CLDN16: variants seen among roughly 807,000 people sequenced by gnomAD.
CLDN16 encodes claudin 16, also known as claudin-16.
Under a neutral mutation model 24.6 loss-of-function variants are expected in CLDN16, and 13 were observed. The observed-to-expected ratio is 0.53, with a 90% CI of 0.34 to 0.84. The LOEUF is 0.84. CLDN16 is among the 40% of genes least tolerant of loss of function. The pLI is 0.01. For synonymous variants in CLDN16, 116 were observed against 106.7 expected, an observed-to-expected ratio of 1.09 and a Z score of -0.54; for missense variants, 298 against 292.7, an observed-to-expected ratio of 1.02 and a Z score of -0.13.
the CLDN16 span, among the ~76,000 whole-genome samples, chr3:190,294,338 A>G: frequency 2.0e-5 from 3 of 152,322 alleles, no homozygotes; most frequent in East Asian, 5.8e-4. Context: ...CACCACATGT[A>G]GTTGATAGCT....
chr3:190,404,829 C>T lies in CLDN16; in HGVS notation c.285C>T (p.Thr95=), dbSNP rs1354548248. 6.2e-7 allele frequency: 1 copy of T among 1,614,052 alleles called. No homozygotes were observed. The highest frequency in any genetic ancestry group is 1.7e-5 in the Admixed American group (1 of 60,018). The change falls in exon 3 of 5, where the codon ACC becomes ACT. Residue 95 remains threonine (T), a synonymous_variant. Transcript: ENST00000264734. Reference sequence around the variant, plus strand: ...TTCTAGCTGGGTTTGGATTTCTCACCCTGCTCCTTGGTCTTGACTGCGTGA... The same window carrying T: ...TTCTAGCTGGGTTTGGATTTCTCACTCTGCTCCTTGGTCTTGACTGCGTGA... ...ADILAGFGFL[T]LLLGLDCVKF...
chr3:190,368,164 A>G lies in CLDN16; in HGVS notation n.122-2729A>G, dbSNP rs1718062974. ...TAGCCCTGTGTGATCAATAGAATTC[A>G]GCAGAATTGATGATCTGTTACTTCT... On this transcript the variant is annotated intron_variant and non_coding_transcript_variant, in intron 1 of 4. Coordinates refer to the CLDN16 transcript ENST00000468220. 2.6e-5 allele frequency among the ~76,000 whole-genome samples: 4 copies of G among 152,092 alleles called. No homozygotes were observed. In the South Asian group the frequency reaches 8.3e-4, roughly 32 times the overall value.
chr3:190,309,663 A>G, the CLDN16 span, among the ~76,000 whole-genome samples: 1 of 152,242 alleles, frequency 6.6e-6, no homozygotes, highest in Non-Finnish European at 1.5e-5. Flanking sequence ...GTGAAAGAAC[A>G]AAAAATTTCA....
intron 1 of CLDN16, among the ~76,000 whole-genome samples, chr3:190,325,398 T>A (rs1025836834): frequency 1.3e-5 from 2 of 152,194 alleles, no homozygotes; most frequent in African/African-American, 4.8e-5. Context: ...TGGCAAGATA[T>A]TTTACTCTGT....
chr3:190,368,413 C>T (rs953227579), intron 1 of CLDN16, among the ~76,000 whole-genome samples: 1 of 151,926 alleles, frequency 6.6e-6, no homozygotes, highest in African/African-American at 2.4e-5. Context: ...GCTTGAGATC[C>T]TGAGTCAGAA....
chr3:190,343,458 T>C (rs1185890407), intron 1 of CLDN16, among the ~76,000 whole-genome samples: 1 of 152,130 alleles, frequency 6.6e-6, no homozygotes, highest in Non-Finnish European at 1.5e-5. Context: ...GGGTATATAC[T>C]CAAAGGAGAT....
intron 1 of CLDN16, among the ~76,000 whole-genome samples, chr3:190,342,341 A>G (rs112810688): frequency 0.039 from 5,965 of 152,284 alleles, 391 homozygotes; most frequent in African/African-American, 0.13. Flanking sequence ...TGAAAGGCAC[A>G]TCTCACATGG....
chr3:190,322,088 A>G, upstream of CLDN16: 1 of 1,614,122 alleles, frequency 6.2e-7, no homozygotes, highest in Non-Finnish European at 8.5e-7. Flanking sequence ...GGCGGTCACG[A>G]TGTTGTCGCC....
intron 1 of CLDN16, among the ~76,000 whole-genome samples, chr3:190,353,381 C>T (rs1717707315): frequency 6.6e-6 from 1 of 152,072 alleles, no homozygotes; most frequent in Non-Finnish European, 1.5e-5. Flanking sequence ...CTTCCAATAG[C>T]TTCCCATTGT....
At chr3:190,314,493 C>G in the CLDN16 span, among the ~76,000 whole-genome samples, 1 of 152,032 alleles carries the variant, frequency 6.6e-6, no homozygotes, top group South Asian at 2.1e-4. Flanking sequence ...CTCTGGGGCT[C>G]AAGCGATTCT....
intron 1 of CLDN16, among the ~76,000 whole-genome samples, chr3:190,398,708 T>C (rs1718882697): frequency 6.6e-6 from 1 of 152,212 alleles, no homozygotes; most frequent in African/African-American, 2.4e-5. Context: ...TTACTACCAC[T>C]ATTTTTATTT....
At chr3:190,343,601 AC>A (rs1290917101) in intron 1 of CLDN16, among the ~76,000 whole-genome samples, 6 of 152,150 alleles carry the variant, frequency 3.9e-5, no homozygotes, top group Non-Finnish European at 8.8e-5. Context: ...GTGTATATAT[AC>A]AAAGAAATAT....
At chr3:190,380,257 T>TTC (rs1330460824) in intron 3 of CLDN16, among the ~76,000 whole-genome samples, 36 of 14,542 alleles carry the variant, frequency 2.5e-3, no homozygotes, top group African/African-American at 4.3e-3. Flanking sequence ...TTCCTTCCTT[T>TTC]CTTCCTTCCT....
At chr3:190,334,585 C>G (rs555681089) in intron 1 of CLDN16, among the ~76,000 whole-genome samples, 7 of 152,370 alleles carry the variant, frequency 4.6e-5, no homozygotes, top group Admixed American at 4.6e-4. Flanking sequence ...TTCATAGTCT[C>G]TCTTGCTCTC....
In CLDN16 at chr3:190,379,463, T is replaced by G. The variant is rs183714401; in HGVS notation, n.306+4860T>G. On this transcript the variant is annotated intron_variant and non_coding_transcript_variant, in intron 3 of 4. Transcript: ENST00000468220. ...GATGAATTTCTGGTGCCTAGCACAA[T>G]GTATGGCACATAGAATTCATTTGTT... is the stretch of plus-strand genomic sequence containing the variant. Among the ~76,000 whole-genome samples the G allele has an allele frequency of 2.0e-3, 297 of 152,220 alleles. 1 individual carries two copies. Among genetic ancestry groups the G allele is most frequent in the Admixed American group, 3.7e-3 (57 of 15,264 alleles).
At chr3:190,292,326 C>T in the CLDN16 span, among the ~76,000 whole-genome samples, 23 of 152,316 alleles carry the variant, frequency 1.5e-4, no homozygotes, top group African/African-American at 4.1e-4. Context: ...CCTTCTGAAA[C>T]GATGGCCCAA....
rs555688579 is a variant in CLDN16, at chr3:190,408,710, T to C, written c.574+205T>C. 6.0e-5 allele frequency among the ~76,000 whole-genome samples: 9 copies of C among 151,228 alleles called. No individual in the cohort carries two copies. The East Asian group carries it at 1.4e-3, about 23-fold the overall frequency. On this transcript the variant is annotated intron_variant, in intron 4 of 4. Coordinates refer to ENST00000264734, the MANE Select transcript of CLDN16 (RefSeq NM_006580.4). ...GTTCTATATTAATTGAAAAATAAAA[T>C]CCACAACTACAAGCATGTCCAATAT...
intron 1 of CLDN16, among the ~76,000 whole-genome samples, chr3:190,392,522 T>C (rs767704098): frequency 6.6e-6 from 1 of 152,128 alleles, no homozygotes; most frequent in Non-Finnish European, 1.5e-5. Context: ...GCCAGTGTAG[T>C]GAGTGGGACA....
intron 1 of CLDN16, among the ~76,000 whole-genome samples, chr3:190,334,251 G>A (rs187513626): frequency 3.3e-5 from 5 of 152,334 alleles, no homozygotes; most frequent in Admixed American, 1.3e-4. Context: ...GTTGTAGTGG[G>A]CTAGCAGAAG....
Sources: allele counts gnomAD v4.1 joint callset (sites outside exome capture counted in the v4.1 genomes callset), GRCh38; gene constraint gnomAD v4.1.1; transcripts MANE v1.5; gene names NCBI Gene and HGNC (gene_info 2026-07-23, HGNC 2026-07-21).